Variants in TNR observed in about 807,000 individuals in gnomAD.
TNR encodes tenascin-R.
A neutral mutation model predicts 150.4 loss-of-function variants in TNR; 45 were observed. The ratio of observed to expected loss-of-function variants is 0.30; its 90% CI spans 0.24 to 0.38. The LOEUF (loss-of-function observed/expected upper bound fraction) is 0.38, where lower values mean the gene tolerates loss of function less well. TNR is among the 10% of genes least tolerant of loss of function. The pLI is 1.00. For synonymous variants in TNR, 687 were observed against 678.4 expected, an observed-to-expected ratio of 1.01 and a Z score of -0.20; for missense variants, 1,544 against 1,759.1, an observed-to-expected ratio of 0.88 and a Z score of 2.19.
chr1:175,398,120 C>T (rs1473614968), intron 4 of TNR, among the ~76,000 whole-genome samples: 1 of 152,196 alleles, frequency 6.6e-6, no homozygotes, highest in Non-Finnish European at 1.5e-5. Context: ...GTGGAGAGTG[C>T]TGTCTCCTCA....
In TNR at chr1:175,379,678, C is replaced by T. The variant is rs775359615; in HGVS notation, c.1837G>A (p.Glu613Lys). 2.3e-5 allele frequency: 37 copies of T among 1,614,076 alleles called. No individual in the cohort carries two copies. Among genetic ancestry groups the T allele is most frequent in the Admixed American group, 1.5e-4 (9 of 60,004 alleles). Residue 613 changes from glutamate to lysine, a missense_variant, in exon 9 of 23, where the codon GAG becomes AAG. Physicochemically the swap from Glu to Lys is moderately conservative, Grantham distance 56. Transcript: ENST00000367674. ...GSRTATSLDL[E>K]WDNSEAEVQE... ...ACTTCGGCTTCACTGTTATCCCACT[C>T]GAGGTCAAGGCTGGTTGCTGTGCGA...
intron 1 of TNR, among the ~76,000 whole-genome samples, chr1:175,623,994 T>C (rs1238698158): frequency 6.6e-6 from 1 of 152,206 alleles, no homozygotes; most frequent in Non-Finnish European, 1.5e-5. Context: ...TTTCCATCTA[T>C]ATAAAAATGC....
intron 2 of TNR, among the ~76,000 whole-genome samples, chr1:175,408,044 C>T (rs561024642): frequency 2.6e-5 from 4 of 152,300 alleles, no homozygotes; most frequent in Admixed American, 1.3e-4. Flanking sequence ...TCCCTCCTGC[C>T]TCCTCTGCTA....
chr1:175,315,345 G>C lies in TNR; in HGVS notation c.*8012C>G, dbSNP rs1291898987. ...GAGCTACAGTGCCATGAAAGGATCA[G>C]AGAAGTTGGTTTTTCCTCTCCCTTC... On this transcript the variant is annotated 3_prime_UTR_variant, in exon 23 of 23. Transcript: ENST00000367674. 2 of 152,186 alleles carry C rather than the reference G, an allele frequency of 1.3e-5. No individual in the cohort carries two copies. The highest frequency in any genetic ancestry group is 6.5e-5 in the Admixed American group (1 of 15,288). The allele number at this position is 152,186 out of a possible 1,614,324, so 9.4% of individuals were successfully genotyped here. A position where few individuals can be genotyped will look rare whatever the true frequency, so the allele number is the denominator to read the frequency against.
At chr1:175,331,062 T>TTCC (rs1649802851) in intron 20 of TNR, among the ~76,000 whole-genome samples, 1 of 124,000 alleles carries the variant, frequency 8.1e-6, no homozygotes, top group African/African-American at 3.5e-5. Flanking sequence ...TCTTTCTTTC[T>TTCC]TTCTTTCTTT....
chr1:175,722,852 C>A (rs757098414), intron 1 of TNR, among the ~76,000 whole-genome samples: 1 of 151,722 alleles, frequency 6.6e-6, no homozygotes, highest in Non-Finnish European at 1.5e-5. Flanking sequence ...AGTGCAGTGG[C>A]ACAATCTCAG....
chr1:175,671,650 T>C (rs1292264350), intron 1 of TNR, among the ~76,000 whole-genome samples: 1 of 152,236 alleles, frequency 6.6e-6, no homozygotes, highest in Non-Finnish European at 1.5e-5. Flanking sequence ...GTTTCCAAAA[T>C]TGTGTGGGAT....
intron 2 of TNR, among the ~76,000 whole-genome samples, chr1:175,514,736 G>A (rs997065934): frequency 7.2e-5 from 11 of 152,214 alleles, no homozygotes; most frequent in Admixed American, 4.6e-4. Flanking sequence ...TGACGAGCAC[G>A]TTGTTAAAAA....
chr1:175,476,524 C>T (rs931473206), intron 2 of TNR, among the ~76,000 whole-genome samples: 2 of 152,140 alleles, frequency 1.3e-5, no homozygotes, highest in Non-Finnish European at 2.9e-5. Flanking sequence ...TGCTTAGAAA[C>T]CTCCAAAGGC....
intron 2 of TNR, among the ~76,000 whole-genome samples, chr1:175,435,324 T>G (rs150994261): frequency 6.6e-6 from 1 of 152,100 alleles, no homozygotes; most frequent in African/African-American, 2.4e-5. Context: ...GCCTGATGGA[T>G]TGATAGTTGG....
At chr1:175,605,149 A>G (rs1013094692) in intron 1 of TNR, among the ~76,000 whole-genome samples, 2 of 152,240 alleles carry the variant, frequency 1.3e-5, no homozygotes, top group African/African-American at 4.8e-5. Context: ...AAGATTTATC[A>G]ATAGATGAAT....
chr1:175,720,554 C>A (rs771876481), intron 1 of TNR, among the ~76,000 whole-genome samples: 8 of 152,164 alleles, frequency 5.3e-5, no homozygotes, highest in Non-Finnish European at 1.0e-4. Context: ...AAGGAGTTTA[C>A]ACGTAAGTAA....
At chr1:175,633,106 C>T (rs1268779610) in intron 1 of TNR, among the ~76,000 whole-genome samples, 1 of 152,206 alleles carries the variant, frequency 6.6e-6, no homozygotes, top group East Asian at 1.9e-4. Context: ...ATCTCAAGAC[C>T]TGGCTCAACT....
intron 9 of TNR, among the ~76,000 whole-genome samples, chr1:175,367,521 C>G (rs953143604): frequency 6.6e-6 from 1 of 152,166 alleles, no homozygotes; most frequent in Non-Finnish European, 1.5e-5. Context: ...TGCAGGCAGG[C>G]TCTCTGGGAA....
chr1:175,666,843 T>C (rs1199932891), intron 1 of TNR, among the ~76,000 whole-genome samples: 1 of 152,092 alleles, frequency 6.6e-6, no homozygotes, highest in Non-Finnish European at 1.5e-5. Context: ...AAACTCCAGG[T>C]TCAAGCAATC....
intron 2 of TNR, among the ~76,000 whole-genome samples, chr1:175,475,297 G>A (rs1020934198): frequency 6.6e-6 from 1 of 152,168 alleles, no homozygotes; most frequent in Non-Finnish European, 1.5e-5. Flanking sequence ...AGTAAATTTA[G>A]GGATGATGGC....
At chr1:175,692,987 G>C (rs1462217304) in intron 1 of TNR, among the ~76,000 whole-genome samples, 2 of 152,190 alleles carry the variant, frequency 1.3e-5, no homozygotes, top group African/African-American at 4.8e-5. Context: ...TGCAGGCACT[G>C]TTCCAGGTGC....
chr1:175,678,773 A>G (rs1229948518), intron 1 of TNR, among the ~76,000 whole-genome samples: 1 of 152,244 alleles, frequency 6.6e-6, no homozygotes, highest in African/African-American at 2.4e-5. Context: ...CCAAGTGGGA[A>G]GGCATAGTGG....
chr1:175,560,171 A>G (rs1302758525), intron 1 of TNR, among the ~76,000 whole-genome samples: 1 of 152,376 alleles, frequency 6.6e-6, no homozygotes, highest in East Asian at 1.9e-4. Context: ...GCCTGAATGC[A>G]GAACTTTAGT....
Sources: allele counts gnomAD v4.1 joint callset (sites outside exome capture counted in the v4.1 genomes callset), GRCh38; gene constraint gnomAD v4.1.1; transcripts MANE v1.5; gene names NCBI Gene and HGNC (gene_info 2026-07-23, HGNC 2026-07-21).